DLG5: variants seen among roughly 807,000 people sequenced by gnomAD.
DLG5 encodes disks large homolog 5.
In DLG5, 48 loss-of-function variants were observed where a neutral mutation model predicts 189.8. That is an observed-to-expected ratio of 0.25 (90% CI 0.20 to 0.32). The LOEUF is 0.32. Among genes scored for constraint, DLG5 ranks in the 10% least tolerant of loss-of-function variants. The probability of loss-of-function intolerance (pLI) is 1.00; values close to 1 mark genes in which losing one functional copy is unlikely to be tolerated. For missense variants in DLG5, 2,160 were observed against 2,544.7 expected, an observed-to-expected ratio of 0.85 and a Z score of 3.25; for synonymous variants, 1,016 against 1,054.1, an observed-to-expected ratio of 0.96 and a Z score of 0.70.
At position 77,902,663 on chromosome 10, in the gene DLG5, A is replaced by G. The variant is rs538247893; in HGVS notation, c.304+23554T>C. On this transcript the variant is annotated intron_variant, in intron 1 of 31. Transcript: ENST00000372391. ...ATCATGAGGTCAGGAGATCGAGACC[A>G]TCCTGGCTAACATGGTGAAACCCCA... Among the ~76,000 whole-genome samples, 31 of 152,154 alleles carry G rather than the reference A, an allele frequency of 2.0e-4. 1 individual carries two copies. The South Asian group carries it at 6.4e-3, about 32-fold the overall frequency.
At chr10:77,832,760 A>G (rs1490055317) in intron 9 of DLG5, among the ~76,000 whole-genome samples, 1 of 152,218 alleles carries the variant, frequency 6.6e-6, no homozygotes. Flanking sequence ...AAAATGTCCC[A>G]TGTTCACGGC....
At chr10:77,819,586 A>G (rs1842234175) in intron 16 of DLG5, 121 bp from the exon 17 acceptor site, 2 of 1,345,894 alleles carry the variant, frequency 1.5e-6, no homozygotes, top group Non-Finnish European at 2.0e-6. Context: ...GACTTGGGAG[A>G]TGAGTTTTAA....
rs189155219 is a variant in DLG5, at chr10:77,827,427, C to T, written c.2289+1455G>A. ...TTTTAGTAAAGACAGGGTTTCACCA[C>T]GTTCCCCAGGCTGGTCTCGAACTCC... On this transcript the variant is annotated intron_variant, in intron 13 of 31. Transcript: ENST00000372391. Among the ~76,000 whole-genome samples the T allele has an allele frequency of 4.6e-3, 699 of 152,196 alleles. 7 individuals are homozygous for T. The highest frequency in any genetic ancestry group is 0.014 in the Admixed American group (215 of 15,288).
intron 27 of DLG5, among the ~76,000 whole-genome samples, chr10:77,803,487 G>A (rs764348797): frequency 7.9e-5 from 12 of 152,132 alleles, no homozygotes; most frequent in Non-Finnish European, 1.8e-4. Flanking sequence ...AAAAGAAAAA[G>A]ATAAACTGTG....
In DLG5 at chr10:77,856,698, G is replaced by T. The variant is rs1192227929; in HGVS notation, c.536+32C>A. The T allele has an allele frequency of 4.4e-6, 7 of 1,603,470 alleles. No individual in the cohort carries two copies. The Admixed American group carries it at 6.7e-5, about 15-fold the overall frequency. Reference sequence around the variant, plus strand: ...ATCGGGGTAGTAATCCCAACCATGGGGCCTGGGCAGGGGAGACGGCGCAAT... The same window carrying T: ...ATCGGGGTAGTAATCCCAACCATGGTGCCTGGGCAGGGGAGACGGCGCAAT... On this transcript the variant is annotated intron_variant, in intron 3 of 31. Coordinates refer to ENST00000372391, the MANE Select transcript of DLG5 (RefSeq NM_004747.4).
At chr10:77,825,371 C>A (rs1728991744) in intron 13 of DLG5, among the ~76,000 whole-genome samples, 1 of 126,644 alleles carries the variant, frequency 7.9e-6, no homozygotes, top group Non-Finnish European at 1.6e-5. Context: ...TAACCACACA[C>A]AACCACACAC....
intron 31 of DLG5, 54 bp downstream of exon 31, chr10:77,793,954 C>G: frequency 1.3e-6 from 2 of 1,518,836 alleles, no homozygotes; most frequent in Non-Finnish European, 1.8e-6. Flanking sequence ...CCTTAGGAAG[C>G]CTCTGCTTCC....
intron 26 of DLG5, 122 bp downstream of exon 26, chr10:77,806,631 CTAAGA>C (rs1410129405): frequency 2.5e-5 from 33 of 1,304,914 alleles, no homozygotes; most frequent in Middle Eastern, 2.8e-4. Context: ...AGAGCAGAAG[CTAAGA>C]TAAGAAGCAG....
In DLG5 at chr10:77,853,252, G is replaced by C. The variant is rs7905351; in HGVS notation, c.864+102C>G. 4,169 of 1,145,114 alleles carry C rather than the reference G, an allele frequency of 3.6e-3. 96 individuals carry two copies. The African/African-American group carries it at 0.055, about 15-fold the overall frequency. The allele number at this position is 1,145,114 out of a possible 1,614,324, so 70.9% of individuals were successfully genotyped here. A position where few individuals can be genotyped will look rare whatever the true frequency, so the allele number is the denominator to read the frequency against. On this transcript the variant is annotated intron_variant, in intron 5 of 31. Coordinates refer to ENST00000372391, the MANE Select transcript of DLG5 (RefSeq NM_004747.4). Reference sequence around the variant, plus strand: ...CAAAGCGCTGGGATCACAGATGTGAGCCAACGTGCCCGGCCCAGCATTTAC... The same window carrying C: ...CAAAGCGCTGGGATCACAGATGTGACCCAACGTGCCCGGCCCAGCATTTAC...
rs771235694 is a variant in DLG5 at position 77,812,302 on chromosome 10, T to C, written c.4101A>G (p.Gly1367=). The C allele has an allele frequency of 6.2e-7, 1 of 1,614,076 alleles. No homozygotes were observed. Among genetic ancestry groups the C allele is most frequent in the African/African-American group, 1.3e-5 (1 of 74,944 alleles). The change falls in exon 21 of 32, where the codon GGA becomes GGG. Residue 1367 remains glycine (G), a synonymous_variant. Coordinates refer to ENST00000372391, the MANE Select transcript of DLG5 (RefSeq NM_004747.4). ...SEPLGISIVS[G]EKGGIYVSKV... Reference sequence around the variant, plus strand: ...TGGAGACGTAGATGCCGCCCTTCTCTCCACTCACGATGGAGATGCCCAGCG... The same window carrying C: ...TGGAGACGTAGATGCCGCCCTTCTCCCCACTCACGATGGAGATGCCCAGCG...
chr10:77,904,116 G>T (rs1226658026), intron 1 of DLG5, among the ~76,000 whole-genome samples: 3 of 152,114 alleles, frequency 2.0e-5, no homozygotes, highest in African/African-American at 7.2e-5. Context: ...AAGAGTTTGA[G>T]GCTGTAGTGC....
chr10:77,827,333 C>T (rs1053409364), intron 13 of DLG5, among the ~76,000 whole-genome samples: 24 of 152,118 alleles, frequency 1.6e-4, no homozygotes, highest in Non-Finnish European at 2.5e-4. Context: ...TCAAGTGATT[C>T]TCCTGCCTCA....
chr10:77,816,722 T>C, intron 19 of DLG5, 21 bp from the exon 20 acceptor site: 1 of 1,583,878 alleles, frequency 6.3e-7, no homozygotes. Context: ...GAGCGGGTAA[T>C]GCCGGTGTGA....
chr10:77,909,736 G>A (rs756314580), intron 1 of DLG5, among the ~76,000 whole-genome samples: 2 of 152,030 alleles, frequency 1.3e-5, no homozygotes, highest in African/African-American at 4.8e-5. Flanking sequence ...ACTCTAAACC[G>A]CCATGGGTTT....
At chr10:77,863,198 C>G (rs1844541862) in intron 2 of DLG5, among the ~76,000 whole-genome samples, 1 of 152,062 alleles carries the variant, frequency 6.6e-6, no homozygotes, top group Non-Finnish European at 1.5e-5. Context: ...CTCAAGCAAT[C>G]CTCCCACCTC....
At position 77,796,633 on chromosome 10, in the gene DLG5, G is replaced by A. The variant is rs767009829; in HGVS notation, c.5165-39C>T. 6.2e-7 allele frequency: 1 copy of A among 1,611,222 alleles called. No homozygotes were observed. Among genetic ancestry groups the A allele is most frequent in the African/African-American group, 1.3e-5 (1 of 74,870 alleles). On this transcript the variant is annotated intron_variant, in intron 27 of 31. Transcript: ENST00000372391. The surrounding 1 kb of genome is among the most constrained non-coding windows in gnomAD (Gnocchi z 5.2). ...AGCAGCAGCGTCACGGACCCAGCTT[G>A]GAGTGGAGGACCTGAGTGGGGCTGG...
At chr10:77,880,283 G>A (rs190159517) in intron 1 of DLG5, among the ~76,000 whole-genome samples, 1,541 of 152,160 alleles carry the variant, frequency 0.01, 16 homozygotes, top group Non-Finnish European at 0.014. Context: ...GTGAAACCCC[G>A]CCTCTACTAA....
intron 1 of DLG5, among the ~76,000 whole-genome samples, chr10:77,882,949 C>A (rs1210075978): frequency 6.6e-6 from 1 of 151,896 alleles, no homozygotes; most frequent in African/African-American, 2.4e-5. Flanking sequence ...AAGAGCTTCA[C>A]CTCCATTTCT....
intron 1 of DLG5, among the ~76,000 whole-genome samples, chr10:77,917,670 G>T (rs926119588): frequency 5.9e-5 from 9 of 152,172 alleles, no homozygotes; most frequent in Non-Finnish European, 4.4e-5. Flanking sequence ...ACAGAGTTTC[G>T]ATTTTGCAAG....
Sources: allele counts gnomAD v4.1 joint callset (sites outside exome capture counted in the v4.1 genomes callset), GRCh38; gene constraint gnomAD v4.1.1; non-coding constraint Gnocchi (gnomAD v3.1); transcripts MANE v1.5; gene names NCBI Gene and HGNC (gene_info 2026-07-23, HGNC 2026-07-21).